The following CNTN4 variants were observed in gnomAD, a reference collection of about 807,000 sequenced individuals.
The protein encoded by CNTN4 is contactin-4.
Under a neutral mutation model 122.5 loss-of-function variants are expected in CNTN4, and 77 were observed. The observed-to-expected ratio is 0.63, with a 90% CI of 0.52 to 0.76. CNTN4 has a LOEUF of 0.76. CNTN4 is among the 30% of genes least tolerant of loss of function. CNTN4 has a pLI of 0.00. For missense variants in CNTN4, 1,256 were observed against 1,259.1 expected (o/e 1.00, Z 0.04); for synonymous variants, 512 against 447.0 (o/e 1.15, Z -1.83).
chr3:2,177,637 A>G lies in CNTN4; in HGVS notation c.-145+76998A>G, dbSNP rs115249398. On this transcript the variant is annotated intron_variant, in intron 2 of 24. Coordinates refer to ENST00000418658, the MANE Select transcript of CNTN4 (RefSeq NM_175607.3). ...CAGGGCTCTTCAGAGAAGCAGAACC[A>G]ATGGGATTGTGTGTGTGTTTGTGTG... is the stretch of plus-strand genomic sequence containing the variant. Among the ~76,000 whole-genome samples, 583 of 143,180 alleles carry G rather than the reference A, an allele frequency of 4.1e-3. 6 individuals are homozygous for G. The highest frequency in any genetic ancestry group is 0.014 in the African/African-American group (552 of 38,702). The allele number at this position is 143,180 out of a possible 152,430, so 93.9% of individuals were successfully genotyped here.
At chr3:2,299,166 T>C (rs2042414763) in intron 2 of CNTN4, among the ~76,000 whole-genome samples, 1 of 152,092 alleles carries the variant, frequency 6.6e-6, no homozygotes, top group Non-Finnish European at 1.5e-5. Context: ...AACAAATAAA[T>C]GATAAGAGAA....
rs552107684 is a variant in CNTN4 at position 2,704,265 on chromosome 3, C to G, written c.56-31950C>G. 2.0e-5 allele frequency among the ~76,000 whole-genome samples: 3 copies of G among 146,542 alleles called. 1 individual carries two copies. The South Asian group carries it at 6.6e-4, about 32-fold the overall frequency. On this transcript the variant is annotated intron_variant, in intron 4 of 24. Coordinates refer to ENST00000418658, the MANE Select transcript of CNTN4 (RefSeq NM_175607.3). ...GGAGCCTAGATTGTGCCGCTGCTCT[C>G]CAGCCTGGGTGACAGAGCGAGACTT...
chr3:2,442,059 G>T (rs576597202), intron 3 of CNTN4, among the ~76,000 whole-genome samples: 4 of 152,078 alleles, frequency 2.6e-5, no homozygotes, highest in Non-Finnish European at 4.4e-5. Context: ...ACCACCAGGG[G>T]ATTTAACTGG....
At chr3:2,644,961 T>C (rs1259223772) in intron 4 of CNTN4, among the ~76,000 whole-genome samples, 1 of 151,084 alleles carries the variant, frequency 6.6e-6, no homozygotes, top group Admixed American at 6.7e-5. Context: ...TATTCAAAAC[T>C]CATTTGCCTA....
intron 4 of CNTN4, among the ~76,000 whole-genome samples, chr3:2,611,099 C>A (rs575749710): frequency 6.6e-6 from 1 of 151,798 alleles, no homozygotes; most frequent in South Asian, 2.1e-4. Flanking sequence ...TTGTTGCTGT[C>A]TCCATTTTAC....
chr3:2,428,295 TG>T (rs2047923579), intron 3 of CNTN4, among the ~76,000 whole-genome samples: 1 of 152,196 alleles, frequency 6.6e-6, no homozygotes, highest in South Asian at 2.1e-4. Flanking sequence ...AGCATTTGCT[TG>T]TCTGTAAAGG....
At chr3:2,664,694 G>C (rs992789349) in intron 4 of CNTN4, among the ~76,000 whole-genome samples, 1 of 152,072 alleles carries the variant, frequency 6.6e-6, no homozygotes, top group Non-Finnish European at 1.5e-5. Flanking sequence ...TATTCTCCAG[G>C]TTTTCTTGGA....
chr3:2,181,623 A>C (rs1575019865), intron 2 of CNTN4, among the ~76,000 whole-genome samples: 1 of 152,204 alleles, frequency 6.6e-6, no homozygotes, highest in Middle Eastern at 3.4e-3. Context: ...TTTTAAATAC[A>C]AGGGCTGTTT....
intron 4 of CNTN4, among the ~76,000 whole-genome samples, chr3:2,633,372 C>G (rs144472924): frequency 6.6e-6 from 1 of 152,190 alleles, no homozygotes; most frequent in South Asian, 2.1e-4. Context: ...TCATTAGTTA[C>G]ATTCAGTGCT....
At chr3:2,311,961 G>A (rs1049869776) in intron 2 of CNTN4, among the ~76,000 whole-genome samples, 1 of 151,956 alleles carries the variant, frequency 6.6e-6, no homozygotes, top group African/African-American at 2.4e-5. Flanking sequence ...CTGACATATT[G>A]TAAGCACGTA....
chr3:2,499,895 CT>C (rs1180110282), intron 3 of CNTN4, among the ~76,000 whole-genome samples: 1 of 152,056 alleles, frequency 6.6e-6, no homozygotes, highest in Non-Finnish European at 1.5e-5. Flanking sequence ...CTTAGTTCTT[CT>C]TTTATTTCTT....
At chr3:2,416,092 A>G (rs1161789693) in intron 3 of CNTN4, among the ~76,000 whole-genome samples, 2 of 151,814 alleles carry the variant, frequency 1.3e-5, no homozygotes, top group Non-Finnish European at 2.9e-5. Context: ...ATGTTCTCAC[A>G]GAGTGAACAA....
intron 3 of CNTN4, among the ~76,000 whole-genome samples, chr3:2,397,347 T>G (rs2046677113): frequency 6.6e-6 from 1 of 152,224 alleles, no homozygotes; most frequent in Non-Finnish European, 1.5e-5. Flanking sequence ...TTAGCTTTAA[T>G]ACTTGATGAT....
At chr3:2,410,969 G>A (rs1442531765) in intron 3 of CNTN4, among the ~76,000 whole-genome samples, 1 of 152,164 alleles carries the variant, frequency 6.6e-6, no homozygotes, top group East Asian at 1.9e-4. Flanking sequence ...AGTCTCATGT[G>A]TTCAGAATGA....
At chr3:3,044,207 A>C (rs1316731942) in intron 23 of CNTN4, among the ~76,000 whole-genome samples, 1 of 152,220 alleles carries the variant, frequency 6.6e-6, no homozygotes, top group Non-Finnish European at 1.5e-5. Context: ...GTCTTTAATG[A>C]GAAAATGAAA....
chr3:2,631,059 C>T (rs1470677438), intron 4 of CNTN4, among the ~76,000 whole-genome samples: 1 of 152,176 alleles, frequency 6.6e-6, no homozygotes, highest in Non-Finnish European at 1.5e-5. Context: ...AATCTCTCAT[C>T]TGTTCTCCAG....
intron 4 of CNTN4, among the ~76,000 whole-genome samples, chr3:2,720,155 T>C (rs2087752532): frequency 6.6e-6 from 1 of 152,226 alleles, no homozygotes; most frequent in African/African-American, 2.4e-5. Flanking sequence ...CATTTCATTA[T>C]AGGGAATTTT....
chr3:2,602,904 C>T (rs1408696549), intron 4 of CNTN4, among the ~76,000 whole-genome samples: 1 of 152,092 alleles, frequency 6.6e-6, no homozygotes, highest in Admixed American at 6.6e-5. Context: ...AAGGGGGGTT[C>T]CAGTGAGCAG....
intron 7 of CNTN4, among the ~76,000 whole-genome samples, chr3:2,839,470 A>G (rs1297672023): frequency 1.3e-5 from 2 of 151,328 alleles, no homozygotes; most frequent in East Asian, 1.9e-4. Context: ...GCTGTTGGTG[A>G]TTTTTGTACC....
Sources: gnomAD v4.1 joint callset for allele counts (sites outside exome capture counted in the v4.1 genomes callset) on GRCh38, gnomAD v4.1.1 for gene constraint, MANE v1.5 for transcripts, NCBI Gene and HGNC (gene_info 2026-07-23, HGNC 2026-07-21) for gene names.